The following ATP7B variants were observed in gnomAD, a reference collection of about 807,000 sequenced individuals.
ATP7B encodes copper-transporting ATPase 2.
Under a neutral mutation model 118.9 loss-of-function variants are expected in ATP7B, and 113 were observed. The ratio of observed to expected loss-of-function variants is 0.95; its 90% CI spans 0.82 to 1.11. The LOEUF is 1.11. Ranked by LOEUF, ATP7B falls within the 50% of genes most tolerant of loss-of-function variation. The probability of loss-of-function intolerance (pLI) is 0.00; values close to 1 mark genes in which losing one functional copy is unlikely to be tolerated. For missense variants in ATP7B, 1,867 were observed against 1,871.4 expected (o/e 1.00, Z 0.04); for synonymous variants, 777 against 727.4 (o/e 1.07, Z -1.10).
At chr13:51,942,287 C>T in intron 15 of ATP7B, 99 bp downstream of exon 15, 1 of 1,574,470 alleles carries the variant, frequency 6.4e-7, no homozygotes, top group Non-Finnish European at 8.7e-7. Flanking sequence ...CATGAACCGT[C>T]TGCCGCACAG....
In ATP7B at chr13:51,974,606, C is replaced by T. The variant is rs1356120941; in HGVS notation, c.614G>A (p.Gly205Glu). ...EDLRDHVNDMGFEAAIKSKVA... is the reference protein window; with the variant it reads ...EDLRDHVNDMEFEAAIKSKVA... The stretch of plus-strand genomic sequence containing the variant: ...TTTGCTCTTGATGGCAGCTTCAAAT[C>T]CCATGTCATTTACATGGTCCCTGAG... Residue 205 changes from glycine to glutamate, a missense_variant, in exon 2 of 21, where the codon GGA (glycine) becomes GAA (glutamate). Physicochemically the swap from Gly to Glu is moderately conservative, Grantham distance 98. Transcript: ENST00000242839. The T allele has an allele frequency of 3.7e-6, 6 of 1,613,592 alleles. No individual in the cohort carries two copies. The highest frequency in any genetic ancestry group is 1.6e-4 in the Middle Eastern group (1 of 6,082).
intron 3 of ATP7B, among the ~76,000 whole-genome samples, chr13:51,970,151 T>C (rs966741637): frequency 6.6e-6 from 1 of 152,190 alleles, no homozygotes; most frequent in East Asian, 1.9e-4. Context: ...AGGTTATTTA[T>C]TCATTTTATA....
chr13:51,936,461 G>C (rs539026295), intron 19 of ATP7B, among the ~76,000 whole-genome samples: 4 of 151,596 alleles, frequency 2.6e-5, no homozygotes, highest in African/African-American at 7.3e-5. Flanking sequence ...AGCAGGGGGC[G>C]GGGGAGAGAT....
Position 51,974,161 on chromosome 13 carries a change from C to T in ATP7B, c.1059G>A (p.Gln353=). 6.2e-7 allele frequency: 1 copy of T among 1,614,036 alleles called. No homozygotes were observed. Among genetic ancestry groups the T allele is most frequent in the South Asian group, 1.1e-5 (1 of 91,068 alleles). Residue 353 remains glutamine (Q), a synonymous_variant, in exon 2 of 21, where the codon CAG becomes CAA. Coordinates refer to ENST00000242839, the MANE Select transcript of ATP7B (RefSeq NM_000053.4). Reference sequence around the variant, plus strand: ...GAGTGGTACTGCATGTGCCCTGGACCTGGTTTCTCGGTGGGGAGCCAGGGG... The same window carrying T: ...GAGTGGTACTGCATGTGCCCTGGACTTGGTTTCTCGGTGGGGAGCCAGGGG... The part of the protein sequence containing the change: ...SHSPGSPPRN[Q]VQGTCSTTLI...
intron 13 of ATP7B, among the ~76,000 whole-genome samples, chr13:51,944,870 C>CA: frequency 6.6e-6 from 1 of 152,196 alleles, no homozygotes; most frequent in Admixed American, 6.5e-5. Flanking sequence ...CAGATATGGG[C>CA]AGCAGCTACA....
chr13:52,011,452 G>C, upstream of ATP7B: 1 of 1,380,062 alleles, frequency 7.2e-7, no homozygotes, highest in Non-Finnish European at 1.0e-6. Context: ...GAGTGTGAGG[G>C]CATCGGCGCG....
chr13:51,992,635 A>C (rs941747395), intron 1 of ATP7B, among the ~76,000 whole-genome samples: 11 of 152,138 alleles, frequency 7.2e-5, no homozygotes, highest in African/African-American at 2.7e-4. Flanking sequence ...GGATAACTAA[A>C]TTCTTTCTAA....
intron 1 of ATP7B, among the ~76,000 whole-genome samples, chr13:51,976,119 C>G (rs777514039): frequency 4.6e-5 from 7 of 152,252 alleles, no homozygotes; most frequent in Admixed American, 1.3e-4. Flanking sequence ...TCCCAGCCTA[C>G]AGCTGTCTTA....
At position 51,935,024 on chromosome 13, in the gene ATP7B, T is replaced by C. The variant is rs908367214; in HGVS notation, c.4130A>G (p.Lys1377Arg). Residue 1377 changes from lysine to arginine, a missense_variant, in exon 21 of 21, where the codon AAG (lysine) becomes AGG (arginine). Physicochemically the swap from Lys to Arg is conservative, Grantham distance 26. Coordinates refer to ENST00000242839, the MANE Select transcript of ATP7B (RefSeq NM_000053.4). ...CTCATACCTCTCCAGGTCAGGCTTC[T>C]TATAGCTGGAAAGCAGGAACGCAAC... ...VLSSLQLKCY[K>R]KPDLERYEAQ... 1 of 1,613,960 alleles carries C rather than the reference T, an allele frequency of 6.2e-7. No individual in the cohort carries two copies. Among genetic ancestry groups the C allele is most frequent in the African/African-American group, 1.3e-5 (1 of 75,048 alleles).
chr13:51,936,641 C>A (rs1034014702), intron 19 of ATP7B, among the ~76,000 whole-genome samples: 1 of 152,154 alleles, frequency 6.6e-6, no homozygotes, highest in Non-Finnish European at 1.5e-5. Context: ...CCTTCTGCCC[C>A]AGCCTCTGTA....
chr13:51,980,019 G>T (rs1952335659), intron 1 of ATP7B, among the ~76,000 whole-genome samples: 1 of 152,156 alleles, frequency 6.6e-6, no homozygotes, highest in Non-Finnish European at 1.5e-5. Context: ...GTAGTGTTTG[G>T]ATAGTTTTAA....
In ATP7B at chr13:51,961,882, C is replaced by T. The variant is rs373585491; in HGVS notation, c.1901G>A (p.Arg634Lys). 1.1e-5 allele frequency: 18 copies of T among 1,613,824 alleles called. No homozygotes were observed. Among genetic ancestry groups the T allele is most frequent in the Non-Finnish European group, 1.4e-5 (17 of 1,179,958 alleles). Residue 634 changes from arginine to lysine, a missense_variant, in exon 6 of 21, where the codon AGA (arginine) becomes AAA (lysine). Physicochemically the swap from Arg to Lys is conservative, Grantham distance 26. Transcript: ENST00000242839. ...EIGFHASLAQRNPNAHHLDHK... is the reference protein window; with the variant it reads ...EIGFHASLAQKNPNAHHLDHK... ...GTCCAAGTGATGAGCGTTGGGGTTT[C>T]TCTGGGCCAGGGAAGCATGAAAGCC...
At chr13:51,965,083 C>A in intron 4 of ATP7B, 50 bp from the exon 5 acceptor site, 1 of 1,610,454 alleles carries the variant, frequency 6.2e-7, no homozygotes, top group Non-Finnish European at 8.5e-7. Context: ...CAAGGAAAGC[C>A]TGTGAAAGCC....
chr13:52,004,936 C>CA (rs1303943374), intron 1 of ATP7B, among the ~76,000 whole-genome samples: 9 of 152,232 alleles, frequency 5.9e-5, no homozygotes, highest in Admixed American at 5.2e-4. Context: ...ACATGGACAC[C>CA]AAGGTTTATA....
chr13:51,945,502 G>T (rs1379762552), intron 13 of ATP7B, among the ~76,000 whole-genome samples: 1 of 152,146 alleles, frequency 6.6e-6, no homozygotes, highest in East Asian at 1.9e-4. Context: ...CAACAGTAAG[G>T]TCTCAGATGA....
intron 1 of ATP7B, among the ~76,000 whole-genome samples, chr13:51,977,488 G>A (rs891594399): frequency 1.3e-5 from 2 of 152,130 alleles, no homozygotes; most frequent in Non-Finnish European, 2.9e-5. Flanking sequence ...AAGGTCTTCA[G>A]GTGCGATAAC....
intron 12 of ATP7B, 86 bp from the exon 13 acceptor site, chr13:51,946,564 G>A (rs1011149564): frequency 1.2e-5 from 18 of 1,496,992 alleles, no homozygotes; most frequent in Non-Finnish European, 1.6e-5. Context: ...ATTTCAGGGG[G>A]GCACTGGACA....
rs191901049 is a variant in ATP7B, at chr13:51,952,433, C to T, written c.2448-2034G>A. Among the ~76,000 whole-genome samples, 248 of 152,328 alleles carry T rather than the reference C, an allele frequency of 1.6e-3. 1 individual carries two copies. The highest frequency in any genetic ancestry group is 5.7e-3 in the African/African-American group (237 of 41,580). ...TACAAAGACTACATTTAAACTATCACAGGCACAAAAGCCATCTTACTTACT... is the reference window on the plus strand; with the variant it reads ...TACAAAGACTACATTTAAACTATCATAGGCACAAAAGCCATCTTACTTACT... On this transcript the variant is annotated intron_variant, in intron 9 of 20. Coordinates refer to ENST00000242839, the MANE Select transcript of ATP7B (RefSeq NM_000053.4).
At position 51,941,946 on chromosome 13, in the gene ATP7B, A is replaced by C. The variant is rs1028771719; in HGVS notation, c.3412+440T>G. Among the ~76,000 whole-genome samples the C allele has an allele frequency of 7.2e-5, 11 of 152,302 alleles. 1 individual carries two copies. The highest frequency in any genetic ancestry group is 2.6e-4 in the African/African-American group (11 of 41,558). On this transcript the variant is annotated intron_variant, in intron 15 of 20. Transcript: ENST00000242839. Reference sequence around the variant, plus strand: ...GAGAATAAAAAAGGCCATTCTTCAAAAGCAGCTGTCCCTCCAAGCAGTGTC... The same window carrying C: ...GAGAATAAAAAAGGCCATTCTTCAACAGCAGCTGTCCCTCCAAGCAGTGTC...
Sources: gnomAD v4.1 joint callset for allele counts (sites outside exome capture counted in the v4.1 genomes callset) on GRCh38, gnomAD v4.1.1 for gene constraint, MANE v1.5 for transcripts, NCBI Gene and HGNC (gene_info 2026-07-23, HGNC 2026-07-21) for gene names.